Variants in CDH18 observed in about 807,000 individuals in gnomAD.
CDH18 encodes cadherin-18.
In CDH18, 31 loss-of-function variants were observed where a neutral mutation model predicts 67.9. The observed-to-expected ratio is 0.46, with a 90% CI of 0.34 to 0.62. CDH18 has a LOEUF of 0.62. Ranked by LOEUF, CDH18 falls within the 20% of genes least tolerant of loss-of-function variation. The probability of loss-of-function intolerance (pLI) is 0.01; values close to 1 mark genes in which losing one functional copy is unlikely to be tolerated. For missense variants in CDH18, 890 were observed against 975.5 expected (o/e 0.91, Z 1.17); for synonymous variants, 362 against 347.2 (o/e 1.04, Z -0.48).
chr5:19,477,616 T>C (rs940460139), intron 12 of CDH18, among the ~76,000 whole-genome samples: 3 of 152,098 alleles, frequency 2.0e-5, no homozygotes, highest in African/African-American at 7.2e-5. Flanking sequence ...GACCAAAGTA[T>C]ATTTTAAAAG....
chr5:20,080,306 G>A (rs894607784), intron 2 of CDH18, among the ~76,000 whole-genome samples: 1 of 151,536 alleles, frequency 6.6e-6, no homozygotes, highest in Non-Finnish European at 1.5e-5. Context: ...ATCTTTTTTT[G>A]TTGCACCCAA....
At chr5:19,541,001 T>G (rs1690348167) in intron 9 of CDH18, among the ~76,000 whole-genome samples, 1 of 152,152 alleles carries the variant, frequency 6.6e-6, no homozygotes, top group Admixed American at 6.6e-5. Context: ...AAGCTGTAAA[T>G]TTTCCAAACT....
intron 1 of CDH18, among the ~76,000 whole-genome samples, chr5:20,436,785 G>A (rs1749197471): frequency 6.8e-6 from 1 of 147,908 alleles, no homozygotes; most frequent in African/African-American, 2.5e-5. Flanking sequence ...TGGTTTCTAA[G>A]AATTTGACAG....
chr5:19,584,013 C>T (rs1743697647), intron 7 of CDH18, among the ~76,000 whole-genome samples: 1 of 151,986 alleles, frequency 6.6e-6, no homozygotes. Context: ...AATCAGAAAC[C>T]TAAAGAAAAC....
intron 3 of CDH18, among the ~76,000 whole-genome samples, chr5:19,781,600 T>C (rs1775121905): frequency 2.0e-5 from 3 of 152,164 alleles, no homozygotes; most frequent in Admixed American, 2.0e-4. Context: ...TATATTTTAC[T>C]GAAACCACTT....
chr5:20,043,812 G>T (rs1740663019), intron 2 of CDH18, among the ~76,000 whole-genome samples: 1 of 152,038 alleles, frequency 6.6e-6, no homozygotes, highest in African/African-American at 2.4e-5. Flanking sequence ...GATCCAGTTT[G>T]GTAAAAAATA....
intron 2 of CDH18, among the ~76,000 whole-genome samples, chr5:19,861,743 G>A (rs1784934500): frequency 6.6e-6 from 1 of 152,150 alleles, no homozygotes. Flanking sequence ...CAATAATTGT[G>A]AGGTGAACAA....
intron 3 of CDH18, among the ~76,000 whole-genome samples, chr5:19,788,359 A>T (rs1295548753): frequency 6.6e-6 from 1 of 152,226 alleles, no homozygotes; most frequent in Non-Finnish European, 1.5e-5. Context: ...CATTTATATC[A>T]TTAGTTTCCA....
chr5:20,380,643 T>C (rs1337589927), intron 1 of CDH18, among the ~76,000 whole-genome samples: 1 of 152,204 alleles, frequency 6.6e-6, no homozygotes, highest in Non-Finnish European at 1.5e-5. Context: ...GTTAAGGTAT[T>C]ATTTTTGAAA....
chr5:19,777,768 T>C (rs551017348), intron 3 of CDH18, among the ~76,000 whole-genome samples: 81 of 152,244 alleles, frequency 5.3e-4, no homozygotes, highest in African/African-American at 1.9e-3. Context: ...ATACCTGAAA[T>C]TTTTCAGAAT....
chr5:19,550,533 G>A (rs970926590), intron 8 of CDH18, among the ~76,000 whole-genome samples: 2 of 151,792 alleles, frequency 1.3e-5, no homozygotes, highest in African/African-American at 2.4e-5. Context: ...TTGTCCTTGC[G>A]ATAGTTTGCT....
intron 1 of CDH18, among the ~76,000 whole-genome samples, chr5:20,514,290 C>T (rs1755225705): frequency 6.6e-6 from 1 of 152,068 alleles, no homozygotes. Flanking sequence ...CACACTGCAG[C>T]TCCTGGAGGT....
intron 1 of CDH18, among the ~76,000 whole-genome samples, chr5:20,437,127 T>C (rs2150184469): frequency 6.7e-6 from 1 of 150,014 alleles, no homozygotes; most frequent in Middle Eastern, 3.5e-3. Flanking sequence ...ATCAACACAG[T>C]CCAGTAATAC....
intron 2 of CDH18, among the ~76,000 whole-genome samples, chr5:20,162,547 C>T (rs1022719097): frequency 5.4e-5 from 8 of 148,432 alleles, no homozygotes; most frequent in Non-Finnish European, 1.0e-4. Flanking sequence ...TCACATCCTT[C>T]TGTGTTGCCT....
At chr5:19,780,543 G>A (rs994664098) in intron 3 of CDH18, among the ~76,000 whole-genome samples, 1 of 151,908 alleles carries the variant, frequency 6.6e-6, no homozygotes, top group African/African-American at 2.4e-5. Flanking sequence ...AAAATATTTT[G>A]GAAATCCTTT....
intron 2 of CDH18, among the ~76,000 whole-genome samples, chr5:20,231,742 G>C (rs1487205140): frequency 6.6e-6 from 1 of 152,054 alleles, no homozygotes; most frequent in African/African-American, 2.4e-5. Context: ...AAGCTGAATG[G>C]TAACAAAAAG....
intron 1 of CDH18, among the ~76,000 whole-genome samples, chr5:20,382,190 T>C (rs1743962646): frequency 2.0e-5 from 3 of 152,150 alleles, no homozygotes; most frequent in Non-Finnish European, 2.9e-5. Flanking sequence ...CTCTGGGCAA[T>C]ATAAAATTTC....
intron 1 of CDH18, among the ~76,000 whole-genome samples, chr5:20,377,653 T>A (rs897430661): frequency 1.3e-5 from 2 of 152,214 alleles, no homozygotes; most frequent in Non-Finnish European, 2.9e-5. Context: ...AGATGACGCA[T>A]CTAGCAGTGA....
intron 5 of CDH18, among the ~76,000 whole-genome samples, chr5:19,684,925 A>C (rs4543271): frequency 0.9 from 137,446 of 152,014 alleles, 62,748 homozygotes; most frequent in Non-Finnish European, 0.96. Flanking sequence ...ATATGGCTGT[A>C]AAAATTTTCC....
Sources: gnomAD v4.1 joint callset for allele counts (sites outside exome capture counted in the v4.1 genomes callset) on GRCh38, gnomAD v4.1.1 for gene constraint, MANE v1.5 for transcripts, NCBI Gene and HGNC (gene_info 2026-07-23, HGNC 2026-07-21) for gene names.